Variants in RBFOX1 observed in about 807,000 individuals in gnomAD.
The protein encoded by RBFOX1 is RNA binding protein fox-1 homolog 1.
RBFOX1 carries 8 observed loss-of-function variants against 57.7 expected under a neutral mutation model. That is an observed-to-expected ratio of 0.14 (90% CI 0.08 to 0.25). The LOEUF (loss-of-function observed/expected upper bound fraction) is 0.25, where lower values mean the gene tolerates loss of function less well. RBFOX1 is among the 10% of genes least tolerant of loss of function. The probability of loss-of-function intolerance (pLI) is 1.00; values close to 1 mark genes in which losing one functional copy is unlikely to be tolerated. For missense variants in RBFOX1, 611 were observed against 548.5 expected (o/e 1.11, Z -1.14); for synonymous variants, 326 against 222.4 (o/e 1.47, Z -4.15).
At chr16:7,501,078 A>G (rs766120526) in intron 4 of RBFOX1, among the ~76,000 whole-genome samples, 3 of 152,108 alleles carry the variant, frequency 2.0e-5, no homozygotes, top group Non-Finnish European at 4.4e-5. Flanking sequence ...CTGTGAGTCA[A>G]CCTCTTTCCT....
intron 4 of RBFOX1, among the ~76,000 whole-genome samples, chr16:5,916,737 G>C (rs949687264): frequency 5.9e-5 from 9 of 152,108 alleles, no homozygotes; most frequent in Non-Finnish European, 8.8e-5. Flanking sequence ...CCCACACTAA[G>C]CTGCTTATCT....
At chr16:7,708,961 C>A in intron 14 of RBFOX1, 95 bp from the exon 15 acceptor site, 1 of 1,110,850 alleles carries the variant, frequency 9.0e-7, no homozygotes, top group South Asian at 1.3e-5. Context: ...ATGAGTAGGG[C>A]CCCTGCATAC....
chr16:6,770,558 C>T (rs1489931739), intron 3 of RBFOX1, among the ~76,000 whole-genome samples: 2 of 151,930 alleles, frequency 1.3e-5, no homozygotes, highest in African/African-American at 4.8e-5. Context: ...TGTTCGTCAA[C>T]CTAGGGAATC....
At chr16:5,978,859 A>G (rs891500315) in intron 4 of RBFOX1, among the ~76,000 whole-genome samples, 2 of 152,110 alleles carry the variant, frequency 1.3e-5, no homozygotes, top group African/African-American at 4.8e-5. Context: ...AGCGAGAGCT[A>G]CACCCCCAAT....
chr16:5,693,490 AT>A (rs2050756751), intron 3 of RBFOX1, among the ~76,000 whole-genome samples: 1 of 151,140 alleles, frequency 6.6e-6, no homozygotes, highest in African/African-American at 2.4e-5. Context: ...TTTTTTTCTT[AT>A]ACATAATACT....
intron 1 of RBFOX1, among the ~76,000 whole-genome samples, chr16:6,165,179 C>T (rs908832728): frequency 1.4e-4 from 21 of 152,240 alleles, no homozygotes; most frequent in African/African-American, 5.1e-4. Context: ...TAATACCCAC[C>T]TGACAAGATT....
At chr16:5,402,446 A>G (rs933090607) in intron 1 of RBFOX1, among the ~76,000 whole-genome samples, 3 of 151,906 alleles carry the variant, frequency 2.0e-5, no homozygotes, top group East Asian at 1.9e-4. Context: ...AACCTCCCCC[A>G]TTTTCTATTC....
chr16:5,594,214 A>T (rs28480682), intron 2 of RBFOX1, among the ~76,000 whole-genome samples: 2 of 151,954 alleles, frequency 1.3e-5, no homozygotes, highest in African/African-American at 2.4e-5. Flanking sequence ...TGGAGTGTTT[A>T]TTTTTTTCCA....
chr16:6,841,899 G>A (rs2093482675), intron 3 of RBFOX1, among the ~76,000 whole-genome samples: 1 of 152,054 alleles, frequency 6.6e-6, no homozygotes, highest in South Asian at 2.1e-4. Context: ...AGCACTTTGG[G>A]AGGTCGAGGC....
chr16:6,727,575 G>A (rs904486225), intron 3 of RBFOX1, among the ~76,000 whole-genome samples: 4 of 152,020 alleles, frequency 2.6e-5, no homozygotes, highest in Admixed American at 1.3e-4. Context: ...AGCTCTTGGG[G>A]CCTATGCTTG....
chr16:5,951,403 G>T (rs2059517365), intron 4 of RBFOX1, among the ~76,000 whole-genome samples: 1 of 152,214 alleles, frequency 6.6e-6, no homozygotes, highest in South Asian at 2.1e-4. Flanking sequence ...AGTCGAGATG[G>T]CACCACTGCA....
chr16:5,505,473 G>A (rs1043354594), intron 2 of RBFOX1, among the ~76,000 whole-genome samples: 1 of 152,166 alleles, frequency 6.6e-6, no homozygotes, highest in Non-Finnish European at 1.5e-5. Flanking sequence ...AACATTTGCA[G>A]CCTGAGATTC....
intron 3 of RBFOX1, among the ~76,000 whole-genome samples, chr16:6,758,438 C>A (rs1158037213): frequency 6.6e-6 from 1 of 152,092 alleles, no homozygotes; most frequent in African/African-American, 2.4e-5. Flanking sequence ...TGACAAATTA[C>A]AATTGAACCC....
At chr16:6,590,806 A>G (rs1173684005) in intron 2 of RBFOX1, among the ~76,000 whole-genome samples, 1 of 151,620 alleles carries the variant, frequency 6.6e-6, no homozygotes, top group Non-Finnish European at 1.5e-5. Context: ...TTTGTTTCAT[A>G]ATACATGGAC....
chr16:5,743,012 A>T (rs1175737177), intron 3 of RBFOX1, among the ~76,000 whole-genome samples: 1 of 152,184 alleles, frequency 6.6e-6, no homozygotes. Context: ...AACAATAGAG[A>T]TAGCAAAGGA....
chr16:6,569,404 C>G (rs1166836234), intron 2 of RBFOX1, among the ~76,000 whole-genome samples: 1 of 152,130 alleles, frequency 6.6e-6, no homozygotes, highest in Non-Finnish European at 1.5e-5. Flanking sequence ...GTTTGCCAGA[C>G]TAAGGGCACT....
At chr16:7,632,193 G>T (rs572895764) in intron 11 of RBFOX1, among the ~76,000 whole-genome samples, 5 of 152,172 alleles carry the variant, frequency 3.3e-5, no homozygotes, top group Non-Finnish European at 5.9e-5. Flanking sequence ...ACAGGCGTGA[G>T]CCACTGCCCC....
intron 4 of RBFOX1, among the ~76,000 whole-genome samples, chr16:7,354,116 A>T (rs932492151): frequency 1.3e-5 from 2 of 151,904 alleles, no homozygotes; most frequent in Non-Finnish European, 2.9e-5. Flanking sequence ...GGATTACAGG[A>T]TCTGCCACCA....
chr16:6,442,671 G>A (rs1423315452), intron 2 of RBFOX1, among the ~76,000 whole-genome samples: 1 of 152,128 alleles, frequency 6.6e-6, no homozygotes, highest in Non-Finnish European at 1.5e-5. Flanking sequence ...CCAGAAACAA[G>A]TGTTTTGTGA....
Sources: allele counts gnomAD v4.1 joint callset (sites outside exome capture counted in the v4.1 genomes callset), GRCh38; gene constraint gnomAD v4.1.1; transcripts MANE v1.5; gene names NCBI Gene and HGNC (gene_info 2026-07-23, HGNC 2026-07-21).